Variants in GSTM3 observed in about 807,000 individuals in gnomAD.
The protein encoded by GSTM3 is GST class-mu 3.
A neutral mutation model predicts 36.1 loss-of-function variants in GSTM3; 34 were observed. That is an observed-to-expected ratio of 0.94 (90% CI 0.72 to 1.25). The LOEUF (loss-of-function observed/expected upper bound fraction) is 1.25. Among genes scored for constraint, GSTM3 ranks in the 50% most tolerant of loss-of-function variants. The probability of loss-of-function intolerance (pLI) is 0.00; values close to 1 mark genes in which losing one functional copy is unlikely to be tolerated. For synonymous variants in GSTM3, 102 were observed against 99.5 expected (o/e 1.03, Z -0.15); for missense variants, 266 against 281.6 (o/e 0.94, Z 0.40).
intron 6 of GSTM3, 97 bp downstream of exon 6, chr1:109,737,994 G>A (rs1649254432): frequency 6.1e-6 from 5 of 814,282 alleles, no homozygotes; most frequent in Admixed American, 3.9e-5. Context: ...TTGGTGGGAA[G>A]GTAGCAGCAG....
Position 109,740,979 on chromosome 1 carries a change from C to T in GSTM3, c.-251G>A, listed in dbSNP as rs994259210. On this transcript the variant is annotated 5_prime_UTR_variant, in exon 1 of 9. Coordinates refer to ENST00000361066, the MANE Select transcript of GSTM3 (RefSeq NM_000849.5). Reference sequence around the variant, plus strand: ...TGCATCCTAATTTCCACAGCCTATCCTTCCTCAGCAGCCTTGCTGAAATGT... The same window carrying T: ...TGCATCCTAATTTCCACAGCCTATCTTTCCTCAGCAGCCTTGCTGAAATGT... 23 of 152,848 alleles carry T rather than the reference C, an allele frequency of 1.5e-4. No homozygotes were observed. The highest frequency in any genetic ancestry group is 3.4e-3 in the Middle Eastern group (1 of 296). The allele number at this position is 152,848 out of a possible 1,614,324, so 9.5% of individuals were successfully genotyped here.
intron 3 of GSTM3, 30 bp downstream of exon 3, chr1:109,739,803 T>G (rs1437027558): frequency 4.0e-6 from 6 of 1,511,166 alleles, no homozygotes; most frequent in Non-Finnish European, 5.4e-6. Context: ...AGGGCCAGCT[T>G]GGCTGCACGG....
At position 109,740,354 on chromosome 1, in the gene GSTM3, T is replaced by C. The variant is rs1322775163; in HGVS notation, c.-67A>G. On this transcript the variant is annotated 5_prime_UTR_variant, in exon 2 of 9. An upstream start codon of the reference 5' UTR is lost. Transcript: ENST00000361066. ...AGCGGGAGGGGCTTTATACCCGACATAAGGGGGCGGGGCCCACGCGCGGGC... is the reference window on the plus strand; with the variant it reads ...AGCGGGAGGGGCTTTATACCCGACACAAGGGGGCGGGGCCCACGCGCGGGC... The C allele has an allele frequency of 7.0e-6, 10 of 1,421,312 alleles. No individual in the cohort carries two copies. The highest frequency in any genetic ancestry group is 9.8e-6 in the Non-Finnish European group (10 of 1,020,716). 88.0% of individuals were successfully genotyped at this position (1,421,312 alleles called of 1,614,324 possible). A position where few individuals can be genotyped will look rare whatever the true frequency, so the allele number is the denominator to read the frequency against.
intron 2 of GSTM3, 90 bp from the exon 3 acceptor site, chr1:109,739,998 C>A: frequency 8.9e-7 from 1 of 1,124,536 alleles, no homozygotes; most frequent in Non-Finnish European, 1.3e-6. Context: ...GCTGCCGAGT[C>A]CCTGCGTCCT....
At position 109,740,277 on chromosome 1, in the gene GSTM3, T is replaced by C; in HGVS notation, c.11A>G (p.Glu4Gly). 1 of 1,613,474 alleles carries C rather than the reference T, an allele frequency of 6.2e-7. No homozygotes were observed. Among genetic ancestry groups the C allele is most frequent in the Non-Finnish European group, 8.5e-7 (1 of 1,179,602 alleles). ...CCAGTACCCGAGAACCATAGACGAC[T>C]CGCACGACATGGTGACGGGCTTCCG... MSC[E>G]SSMVLGYWDI... Residue 4 changes from glutamate (E) to glycine (G), a missense_variant, in exon 2 of 9, where the codon GAG (glutamate) becomes GGG (glycine). Transcript: ENST00000361066.
At position 109,735,723 on chromosome 1, in the gene GSTM3, A is replaced by G. The variant is rs1649182376; in HGVS notation, c.*1348T>C. On this transcript the variant is annotated 3_prime_UTR_variant, in exon 9 of 9. Coordinates refer to ENST00000361066, the MANE Select transcript of GSTM3 (RefSeq NM_000849.5). The stretch of plus-strand genomic sequence containing the variant: ...AGTGGCGTGATCTCGGCTCACTGCA[A>G]CCTCTGCCTCCCAGGTTCAAGCAAT... The G allele has an allele frequency of 7.2e-6, 1 of 138,644 alleles. No homozygotes were observed. Among genetic ancestry groups the G allele is most frequent in the Non-Finnish European group, 1.5e-5 (1 of 65,940 alleles). The allele number at this position is 138,644 out of a possible 1,614,324, so 8.6% of individuals were successfully genotyped here.
rs924118938 is a variant in GSTM3 at position 109,735,316 on chromosome 1, T to C, written c.*1755A>G. On this transcript the variant is annotated 3_prime_UTR_variant, in exon 9 of 9. Coordinates refer to ENST00000361066, the MANE Select transcript of GSTM3 (RefSeq NM_000849.5). ...TCAGCCTCCTGGGTAGCTGGGACTATGCATGAGCAATTGCGCACAGCTAAT... is the reference window on the plus strand; with the variant it reads ...TCAGCCTCCTGGGTAGCTGGGACTACGCATGAGCAATTGCGCACAGCTAAT... The C allele has an allele frequency of 1.3e-5, 2 of 152,146 alleles. No individual in the cohort carries two copies. The highest frequency in any genetic ancestry group is 4.8e-5 in the African/African-American group (2 of 41,416). The allele number at this position is 152,146 out of a possible 1,614,324, so 9.4% of individuals were successfully genotyped here. A position where few individuals can be genotyped will look rare whatever the true frequency, so the allele number is the denominator to read the frequency against.
intron 4 of GSTM3, among the ~76,000 whole-genome samples, chr1:109,738,649 C>A (rs996965975): frequency 1.3e-5 from 2 of 151,958 alleles, no homozygotes; most frequent in African/African-American, 4.8e-5. Context: ...TTTACACAAT[C>A]AAAAAATATT....
intron 4 of GSTM3, 76 bp downstream of exon 4, chr1:109,739,353 C>G (rs1220608929): frequency 1.0e-6 from 1 of 956,774 alleles, no homozygotes; most frequent in Admixed American, 1.9e-5. Context: ...CCTTCTGTAC[C>G]AGGCAGGAGA....
In GSTM3 at chr1:109,737,532, C is replaced by T. The variant is rs999848872; in HGVS notation, c.504G>A (p.Leu168=). Residue 168 remains leucine, a synonymous_variant, in exon 8 of 9, where the codon TTG becomes TTA. Transcript: ENST00000361066. ...TFVDFLTYDI[L]DQNRIFDPKC... ...TGGGGTCAAATATACGGTTCTGATC[C>T]AAGATATCATAGGTGAGAAAATCCA... 6.2e-7 allele frequency: 1 copy of T among 1,613,324 alleles called. No homozygotes were observed. Among genetic ancestry groups the T allele is most frequent in the Non-Finnish European group, 8.5e-7 (1 of 1,179,534 alleles).
chr1:109,740,221 C>T lies in GSTM3; in HGVS notation c.48+19G>A. 1 of 1,609,812 alleles carries T rather than the reference C, an allele frequency of 6.2e-7. No individual in the cohort carries two copies. Among genetic ancestry groups the T allele is most frequent in the Non-Finnish European group, 8.5e-7 (1 of 1,176,516 alleles). On this transcript the variant is annotated intron_variant, in intron 2 of 8. Transcript: ENST00000361066. ...CAGTCTCTTTGACCGAGCGGCTCTA[C>T]CGTTGAGACGGCACTCACCCCACGA...
At position 109,737,556 on chromosome 1, in the gene GSTM3, C is replaced by T; in HGVS notation, c.480G>A (p.Val160=). 6.2e-7 allele frequency: 1 copy of T among 1,611,036 alleles called. No individual in the cohort carries two copies. The highest frequency in any genetic ancestry group is 8.5e-7 in the Non-Finnish European group (1 of 1,177,388). The change falls in exon 8 of 9, where the codon GTG becomes GTA. Residue 160 remains valine (V), a synonymous_variant. Coordinates refer to ENST00000361066, the MANE Select transcript of GSTM3 (RefSeq NM_000849.5). ...SWFAGEKLTF[V]DFLTYDILDQ... ...CCAAGATATCATAGGTGAGAAAATC[C>T]ACAAAGGTGAGCTAGAAGAAAAGCA...
intron 4 of GSTM3, among the ~76,000 whole-genome samples, chr1:109,738,863 G>C (rs942358831): frequency 1.3e-5 from 2 of 152,204 alleles, no homozygotes; most frequent in South Asian, 2.1e-4. Context: ...GCTCATGCCT[G>C]TAATCCCAAC....
rs1050704850 is a variant in GSTM3 at position 109,733,940 on chromosome 1, G to C, written c.*3131C>G. 8 of 152,340 alleles carry C rather than the reference G, an allele frequency of 5.3e-5. No individual in the cohort carries two copies. Among genetic ancestry groups the C allele is most frequent in the African/African-American group, 1.9e-4 (8 of 41,570 alleles). 9.4% of individuals were successfully genotyped at this position (152,340 alleles called of 1,614,324 possible). A position where few individuals can be genotyped will look rare whatever the true frequency, so the allele number is the denominator to read the frequency against. ...TTAGGCACATGGACATGGAGAGTGA[G>C]TAGGGCAGAGTAGAATTTATTGGGA... On this transcript the variant is annotated 3_prime_UTR_variant, in exon 9 of 9. Transcript: ENST00000361066.
At chr1:109,739,974 T>C in intron 2 of GSTM3, 66 bp from the exon 3 acceptor site, 1 of 1,217,476 alleles carries the variant, frequency 8.2e-7, no homozygotes. Flanking sequence ...CCCGCTAACG[T>C]TCCCCGGCCC....
In GSTM3 at chr1:109,736,846, C is replaced by G; in HGVS notation, c.*225G>C. The G allele has an allele frequency of 2.0e-6, 1 of 505,494 alleles. No individual in the cohort carries two copies. The highest frequency in any genetic ancestry group is 2.3e-5 in the South Asian group (1 of 44,162). 31.3% of individuals were successfully genotyped at this position (505,494 alleles called of 1,614,324 possible). On this transcript the variant is annotated 3_prime_UTR_variant, in exon 9 of 9. Coordinates refer to ENST00000361066, the MANE Select transcript of GSTM3 (RefSeq NM_000849.5). ...TCAGGGCTTGGGCATGAACCTACAG[C>G]CCTTGAACTCAGTTGGGGAGTAGGG...
chr1:109,734,053 C>G lies in GSTM3; in HGVS notation c.*3018G>C, dbSNP rs1479262865. On this transcript the variant is annotated 3_prime_UTR_variant, in exon 9 of 9. Coordinates refer to ENST00000361066, the MANE Select transcript of GSTM3 (RefSeq NM_000849.5). ...TTCTGTGTCTTTTATGTGGCAGAAG[C>G]TGGGAAGTCTTCTGTGGGTTTTGCC... 1 of 152,182 alleles carries G rather than the reference C, an allele frequency of 6.6e-6. No individual in the cohort carries two copies. The highest frequency in any genetic ancestry group is 1.5e-5 in the Non-Finnish European group (1 of 68,050). 9.4% of individuals were successfully genotyped at this position (152,182 alleles called of 1,614,324 possible). A position where few individuals can be genotyped will look rare whatever the true frequency, so the allele number is the denominator to read the frequency against.
At position 109,736,288 on chromosome 1, in the gene GSTM3, CACTT is replaced by C. The variant is rs1260738034; in HGVS notation, c.*779_*782del. The C allele has an allele frequency of 6.6e-6, 1 of 152,024 alleles. No homozygotes were observed. Among genetic ancestry groups the C allele is most frequent in the Non-Finnish European group, 1.5e-5 (1 of 68,018 alleles). 9.4% of individuals were successfully genotyped at this position (152,024 alleles called of 1,614,324 possible). On this transcript the variant is annotated 3_prime_UTR_variant, in exon 9 of 9. Transcript: ENST00000361066. ...ATCTTTATACTAGTGCTTTTTGTCTCACTTGTCATTTATTTGTGGGTGCCTTAGG... is the reference window on the plus strand; with the variant it reads ...ATCTTTATACTAGTGCTTTTTGTCTCGTCATTTATTTGTGGGTGCCTTAGG...
intron 2 of GSTM3, 152 bp from the exon 3 acceptor site, chr1:109,740,060 C>T: frequency 1.1e-6 from 1 of 870,666 alleles, no homozygotes; most frequent in Non-Finnish European, 1.8e-6. Context: ...GTGGTCTCCT[C>T]CGCCCCTCCC....
Sources: gnomAD v4.1 joint callset for allele counts (sites outside exome capture counted in the v4.1 genomes callset) on GRCh38, gnomAD v4.1.1 for gene constraint, MANE v1.5 for transcripts, NCBI Gene and HGNC (gene_info 2026-07-23, HGNC 2026-07-21) for gene names.